The following TLN2 variants were observed in gnomAD, a reference collection of about 807,000 sequenced individuals.
The protein encoded by TLN2 is talin-2.
In TLN2, 118 loss-of-function variants were observed where a neutral mutation model predicts 294.7. The observed-to-expected ratio is 0.40, with a 90% CI of 0.34 to 0.47. The LOEUF (loss-of-function observed/expected upper bound fraction) is 0.47. TLN2 is among the 20% of genes least tolerant of loss of function. The pLI is 0.84. For synonymous variants in TLN2, 1,431 were observed against 1,304.5 expected (o/e 1.10, Z -2.09); for missense variants, 3,083 against 3,282.2 (o/e 0.94, Z 1.48).
Position 62,686,606 on chromosome 15 carries a change from AGAAGAGCACT to A in TLN2, c.958-32_958-23del, listed in dbSNP as rs759224534. 28 of 1,590,840 alleles carry A rather than the reference AGAAGAGCACT, an allele frequency of 1.8e-5. No individual in the cohort carries two copies. The African/African-American group carries it at 2.7e-4, about 15-fold the overall frequency. On this transcript the variant is annotated intron_variant, in intron 11 of 58. Coordinates refer to ENST00000636159, the MANE Select transcript of TLN2 (RefSeq NM_015059.3). ...CCTGGCAAAGTCAGATGTATTCAGA[AGAAGAGCACT>A]GACTCTTGGTATCTCCTGTTTCAGG...
At chr15:62,807,508 C>A (rs918772669) in intron 51 of TLN2, among the ~76,000 whole-genome samples, 4 of 152,186 alleles carry the variant, frequency 2.6e-5, no homozygotes, top group African/African-American at 9.7e-5. Context: ...TTCAAGGTCG[C>A]TATGGTTGAT....
intron 57 of TLN2, among the ~76,000 whole-genome samples, chr15:62,837,396 A>G (rs1222549262): frequency 2.0e-5 from 3 of 152,194 alleles, no homozygotes; most frequent in Non-Finnish European, 2.9e-5. Context: ...GCATAATCTT[A>G]TATAAATCAC....
At chr15:62,609,003 G>A (rs1407101505) in intron 2 of TLN2, among the ~76,000 whole-genome samples, 1 of 152,072 alleles carries the variant, frequency 6.6e-6, no homozygotes, top group Admixed American at 6.5e-5. Flanking sequence ...GTGCAAGGGA[G>A]CATAGAGGCC....
At chr15:62,798,816 A>T (rs28412809) in intron 48 of TLN2, among the ~76,000 whole-genome samples, 5 of 152,090 alleles carry the variant, frequency 3.3e-5, no homozygotes, top group Non-Finnish European at 7.3e-5. Flanking sequence ...AACATTCCTT[A>T]TGCTACCATT....
chr15:62,470,383 A>C (rs1184316934), intron 1 of TLN2, among the ~76,000 whole-genome samples: 1 of 152,244 alleles, frequency 6.6e-6, no homozygotes, highest in Non-Finnish European at 1.5e-5. Context: ...GGCATTAGTC[A>C]CTACATCCAA....
intron 45 of TLN2, among the ~76,000 whole-genome samples, chr15:62,785,684 C>T (rs1044103567): frequency 2.0e-5 from 3 of 147,666 alleles, no homozygotes; most frequent in African/African-American, 7.5e-5. Flanking sequence ...AAGTGTTTGG[C>T]AAGGGAGGTT....
intron 1 of TLN2, among the ~76,000 whole-genome samples, chr15:62,424,889 A>C (rs1484910514): frequency 3.2e-5 from 4 of 126,360 alleles, no homozygotes; most frequent in Non-Finnish European, 6.7e-5. Flanking sequence ...CTGGTCTCAA[A>C]TGATCTACTC....
chr15:62,541,029 T>G (rs1328575724), intron 1 of TLN2, among the ~76,000 whole-genome samples: 1 of 152,174 alleles, frequency 6.6e-6, no homozygotes, highest in Non-Finnish European at 1.5e-5. Flanking sequence ...CTTTAGGAAC[T>G]AGGCTGTGAA....
At chr15:62,509,395 C>T (rs2140448199) in intron 1 of TLN2, among the ~76,000 whole-genome samples, 1 of 152,234 alleles carries the variant, frequency 6.6e-6, no homozygotes, top group East Asian at 1.9e-4. Context: ...TGATTGAGCT[C>T]TATTTCTGTT....
chr15:62,604,553 G>T (rs557450777), intron 2 of TLN2, among the ~76,000 whole-genome samples: 1,525 of 149,536 alleles, frequency 0.01, 23 homozygotes, highest in African/African-American at 0.036. Flanking sequence ...AAAAGAAAAG[G>T]GTGGGGGGCG....
At chr15:62,584,855 C>A (rs939946121) in intron 1 of TLN2, among the ~76,000 whole-genome samples, 2 of 152,208 alleles carry the variant, frequency 1.3e-5, no homozygotes, top group Admixed American at 6.5e-5. Context: ...TTAGTGATCA[C>A]TTCAAGCCAA....
At chr15:62,833,444 G>A in intron 54 of TLN2, 60 bp from the exon 55 acceptor site, 2 of 1,586,176 alleles carry the variant, frequency 1.3e-6, no homozygotes, top group East Asian at 2.3e-5. Context: ...TAAGTAGTTT[G>A]GAAGAAAGAG....
At chr15:62,725,499 A>T (rs534205929) in intron 27 of TLN2, among the ~76,000 whole-genome samples, 1 of 152,338 alleles carries the variant, frequency 6.6e-6, no homozygotes, top group African/African-American at 2.4e-5. Flanking sequence ...CCATACTGCA[A>T]ATGGAATAAT....
intron 36 of TLN2, 80 bp from the exon 37 acceptor site, chr15:62,755,452 G>A (rs753803404): frequency 1.1e-5 from 17 of 1,496,106 alleles, no homozygotes; most frequent in African/African-American, 1.4e-5. Flanking sequence ...GAGTTGAACA[G>A]GAACCCAGGG....
chr15:62,484,797 A>G (rs1387861722), intron 1 of TLN2, among the ~76,000 whole-genome samples: 1 of 152,156 alleles, frequency 6.6e-6, no homozygotes, highest in African/African-American at 2.4e-5. Flanking sequence ...CCACTCACCT[A>G]ACTTCTCAAA....
intron 2 of TLN2, among the ~76,000 whole-genome samples, chr15:62,591,956 A>G (rs574725559): frequency 6.6e-6 from 1 of 152,280 alleles, no homozygotes; most frequent in African/African-American, 2.4e-5. Context: ...CCTGGGGCAC[A>G]GTGGCCGGGA....
chr15:62,681,342 C>T (rs527247556), intron 11 of TLN2, among the ~76,000 whole-genome samples: 1 of 152,194 alleles, frequency 6.6e-6, no homozygotes, highest in African/African-American at 2.4e-5. Flanking sequence ...TTATAGGATT[C>T]TATTAGAAAC....
intron 15 of TLN2, among the ~76,000 whole-genome samples, chr15:62,698,105 G>C (rs1459746839): frequency 6.6e-6 from 1 of 152,208 alleles, no homozygotes; most frequent in Non-Finnish European, 1.5e-5. Flanking sequence ...TGTGTACAGG[G>C]ACAGAACTCT....
rs915149618 is a variant in TLN2, at chr15:62,578,752, G to A, written c.-237-10935G>A. On this transcript the variant is annotated intron_variant, in intron 1 of 58. Transcript: ENST00000636159. ...TATTGCAGGTGTGCTGTGCTCGTGTGTCCCTCGCATCAGCTCGTGAGGGAG... is the reference window on the plus strand; with the variant it reads ...TATTGCAGGTGTGCTGTGCTCGTGTATCCCTCGCATCAGCTCGTGAGGGAG... 2.6e-5 allele frequency among the ~76,000 whole-genome samples: 4 copies of A among 152,330 alleles called. No homozygotes were observed. In the East Asian group the frequency reaches 5.8e-4, roughly 22 times the overall value.
Sources: gnomAD v4.1 joint callset for allele counts (sites outside exome capture counted in the v4.1 genomes callset) on GRCh38, gnomAD v4.1.1 for gene constraint, MANE v1.5 for transcripts, NCBI Gene and HGNC (gene_info 2026-07-23, HGNC 2026-07-21) for gene names.